LPIN1: variants seen among roughly 807,000 people sequenced by gnomAD.
LPIN1 encodes lipin 1.
A neutral mutation model predicts 107.5 loss-of-function variants in LPIN1; 71 were observed. The ratio of observed to expected loss-of-function variants is 0.66; its 90% CI spans 0.55 to 0.80. The LOEUF is 0.80. LPIN1 is among the 30% of genes least tolerant of loss of function. The pLI is 0.00. For synonymous variants in LPIN1, 445 were observed against 452.6 expected (o/e 0.98, Z 0.21); for missense variants, 1,043 against 1,160.6 (o/e 0.90, Z 1.47).
At chr2:11,718,959 A>G (rs780237304) in intron 2 of LPIN1, among the ~76,000 whole-genome samples, 7 of 152,020 alleles carry the variant, frequency 4.6e-5, no homozygotes, top group Non-Finnish European at 7.4e-5. Flanking sequence ...TTTATCTTCT[A>G]TTGCCCGACT....
At chr2:11,779,372 G>T in intron 6 of LPIN1, 147 bp from the exon 7 acceptor site, 1 of 847,854 alleles carries the variant, frequency 1.2e-6, no homozygotes, top group Non-Finnish European at 1.9e-6. Context: ...CCTGGTGGCC[G>T]GAGGAGGGAT....
intron 1 of LPIN1, among the ~76,000 whole-genome samples, chr2:11,701,487 C>T (rs1662871515): frequency 6.6e-6 from 1 of 152,126 alleles, no homozygotes; most frequent in South Asian, 2.1e-4. Context: ...ACAGCGCCGG[C>T]CCAGGTGGCA....
At chr2:11,710,828 G>A (rs80083853) in intron 1 of LPIN1, among the ~76,000 whole-genome samples, 2,512 of 151,910 alleles carry the variant, frequency 0.017, 84 homozygotes, top group African/African-American at 0.057. Flanking sequence ...AAATGGCTGA[G>A]CTTCACACTT....
At chr2:11,808,620 T>C (rs1426349297) in intron 17 of LPIN1, among the ~76,000 whole-genome samples, 13 of 152,142 alleles carry the variant, frequency 8.5e-5, no homozygotes, top group Admixed American at 8.5e-4. Context: ...ACACGAATAG[T>C]CCGAGCACTT....
intron 1 of LPIN1, among the ~76,000 whole-genome samples, chr2:11,710,328 G>A (rs1663344408): frequency 6.6e-6 from 1 of 152,116 alleles, no homozygotes; most frequent in African/African-American, 2.4e-5. Context: ...TATGTTAAAT[G>A]AGAAAGAAAA....
In LPIN1 at chr2:11,814,512, A is replaced by ATGTGTGTGTGTGTG. The variant is rs71394769; in HGVS notation, c.2250-551_2250-538dup. 1.2e-3 allele frequency among the ~76,000 whole-genome samples: 161 copies of ATGTGTGTGTGTGTG among 138,528 alleles called. 2 individuals carry two copies. Among genetic ancestry groups the ATGTGTGTGTGTGTG allele is most frequent in the African/African-American group, 3.7e-3 (139 of 37,088 alleles). The allele number at this position is 138,528 out of a possible 152,430, so 90.9% of individuals were successfully genotyped here. A position where few individuals can be genotyped will look rare whatever the true frequency, so the allele number is the denominator to read the frequency against. Reference sequence around the variant, plus strand: ...ACTAAGGATGTTTTGGTGTGTGTGCATGTGTGTGTGTGTGTGTGTGTGTGT... The same window carrying ATGTGTGTGTGTGTG: ...ACTAAGGATGTTTTGGTGTGTGTGCATGTGTGTGTGTGTGTGTGTGTGTGTGTGTGTGTGTGTGT... On this transcript the variant is annotated intron_variant, in intron 17 of 20. Coordinates refer to ENST00000674199, the MANE Select transcript of LPIN1 (RefSeq NM_001349206.2).
At chr2:11,798,663 G>A (rs1677146686) in intron 14 of LPIN1, among the ~76,000 whole-genome samples, 1 of 151,936 alleles carries the variant, frequency 6.6e-6, no homozygotes, top group Admixed American at 6.6e-5. Context: ...ATTGACTCTT[G>A]TGAAAACTCA....
chr2:11,794,184 A>G (rs1316584189), intron 13 of LPIN1, among the ~76,000 whole-genome samples: 1 of 152,198 alleles, frequency 6.6e-6, no homozygotes, highest in Non-Finnish European at 1.5e-5. Flanking sequence ...TATGCTTTAC[A>G]CTAGAGGCCT....
chr2:11,688,546 A>G (rs1329712324), intron 1 of LPIN1, among the ~76,000 whole-genome samples: 1 of 152,178 alleles, frequency 6.6e-6, no homozygotes, highest in African/African-American at 2.4e-5. Context: ...CCCTTCGCAG[A>G]AACATCTTGC....
intron 2 of LPIN1, among the ~76,000 whole-genome samples, chr2:11,714,952 A>T (rs924207586): frequency 1.3e-5 from 2 of 152,232 alleles, no homozygotes; most frequent in Admixed American, 6.5e-5. Flanking sequence ...ATGGATGAAG[A>T]AGGCTGCAAG....
chr2:11,729,082 T>C (rs62113267), intron 1 of LPIN1, among the ~76,000 whole-genome samples: 9,288 of 152,242 alleles, frequency 0.061, 384 homozygotes, highest in Middle Eastern at 0.14. Flanking sequence ...CCTATGCCTA[T>C]GTCCAGATCG....
intron 1 of LPIN1, among the ~76,000 whole-genome samples, chr2:11,712,980 A>G (rs1482748944): frequency 6.6e-6 from 1 of 152,214 alleles, no homozygotes; most frequent in Non-Finnish European, 1.5e-5. Flanking sequence ...AATGCTCACA[A>G]TAACTCCTGT....
intron 1 of LPIN1, among the ~76,000 whole-genome samples, chr2:11,755,839 A>T (rs763649252): frequency 3.3e-5 from 5 of 151,306 alleles, no homozygotes; most frequent in Non-Finnish European, 5.9e-5. Context: ...CTCCTGCCTC[A>T]GCCTCCTGAG....
chr2:11,699,026 A>T (rs1447290460), intron 1 of LPIN1, among the ~76,000 whole-genome samples: 2 of 152,228 alleles, frequency 1.3e-5, no homozygotes, highest in Admixed American at 6.5e-5. Flanking sequence ...AACTTTGTAA[A>T]CGTTCTTAAA....
intron 17 of LPIN1, among the ~76,000 whole-genome samples, chr2:11,805,692 G>A (rs973526718): frequency 6.6e-6 from 1 of 152,098 alleles, no homozygotes; most frequent in Non-Finnish European, 1.5e-5. Flanking sequence ...GATGGGAGAG[G>A]GGTTCTCCGA....
chr2:11,768,053 C>T (rs1671221604), intron 3 of LPIN1, among the ~76,000 whole-genome samples, 195 bp downstream of exon 3: 1 of 152,122 alleles, frequency 6.6e-6, no homozygotes, highest in Non-Finnish European at 1.5e-5. Context: ...TCCACACAGA[C>T]TCAGCTCTCC....
chr2:11,785,898 A>G (rs1674488610), intron 10 of LPIN1, among the ~76,000 whole-genome samples: 1 of 152,182 alleles, frequency 6.6e-6, no homozygotes, highest in Non-Finnish European at 1.5e-5. Context: ...GAGAGCGGAA[A>G]CAAGATTGTG....
At chr2:11,713,143 G>A (rs1380238615) in intron 1 of LPIN1, among the ~76,000 whole-genome samples, 1 of 152,214 alleles carries the variant, frequency 6.6e-6, no homozygotes, top group Non-Finnish European at 1.5e-5. Context: ...TATGATCCAT[G>A]TGCTTTGGGG....
intron 1 of LPIN1, among the ~76,000 whole-genome samples, chr2:11,708,647 T>C (rs972528215): frequency 2.0e-5 from 3 of 152,178 alleles, no homozygotes; most frequent in Non-Finnish European, 4.4e-5. Flanking sequence ...GGAGACCAGC[T>C]GTGTTGCACT....
Sources: gnomAD v4.1 joint callset for allele counts (sites outside exome capture counted in the v4.1 genomes callset) on GRCh38, gnomAD v4.1.1 for gene constraint, MANE v1.5 for transcripts, NCBI Gene and HGNC (gene_info 2026-07-23, HGNC 2026-07-21) for gene names.